The following TMEM65 variants were observed in gnomAD, a reference collection of about 807,000 sequenced individuals.
TMEM65 encodes transmembrane protein 65.
TMEM65 carries 22 observed loss-of-function variants against 25.4 expected under a neutral mutation model. That is an observed-to-expected ratio of 0.86 (90% CI 0.62 to 1.23). The LOEUF is 1.23. TMEM65 is among the 50% of genes most tolerant of loss of function. The pLI, the probability that TMEM65 is intolerant of heterozygous loss-of-function variation, is 0.00. For missense variants in TMEM65, 262 were observed against 308.2 expected, an observed-to-expected ratio of 0.85 and a Z score of 1.12; for synonymous variants, 132 against 126.2, an observed-to-expected ratio of 1.05 and a Z score of -0.31.
At chr8:124,364,546 C>A (rs191458979) in intron 1 of TMEM65, among the ~76,000 whole-genome samples, 124 of 152,276 alleles carry the variant, frequency 8.1e-4, no homozygotes, top group South Asian at 3.9e-3. Flanking sequence ...AGGACTCCGA[C>A]ATCTGGTAGA....
intron 1 of TMEM65, among the ~76,000 whole-genome samples, chr8:124,338,430 T>A (rs1248592642): frequency 6.6e-6 from 1 of 152,072 alleles, no homozygotes; most frequent in African/African-American, 2.4e-5. Flanking sequence ...GGTTTTTTTT[T>A]ATTTCTGCAA....
intron 3 of TMEM65, among the ~76,000 whole-genome samples, 197 bp downstream of exon 3, chr8:124,327,157 T>TTTA (rs1409421837): frequency 6.6e-6 from 1 of 152,004 alleles, no homozygotes; most frequent in Non-Finnish European, 1.5e-5. Flanking sequence ...GTCTAAATGC[T>TTTA]TTACCTAAAG....
intron 5 of TMEM65, among the ~76,000 whole-genome samples, chr8:124,320,922 G>C (rs1814296605): frequency 6.6e-6 from 1 of 152,022 alleles, no homozygotes; most frequent in Non-Finnish European, 1.5e-5. Flanking sequence ...AAGACTTCCA[G>C]AAAAATCTTC....
chr8:124,315,053 A>G (rs1383879535), intron 6 of TMEM65, among the ~76,000 whole-genome samples: 3 of 152,136 alleles, frequency 2.0e-5, no homozygotes, highest in Non-Finnish European at 4.4e-5. Context: ...AAGTTTATAT[A>G]CTTTTCAATT....
At chr8:124,364,530 TATATAAGG>T (rs553627338) in intron 1 of TMEM65, among the ~76,000 whole-genome samples, 70 of 152,330 alleles carry the variant, frequency 4.6e-4, no homozygotes, top group African/African-American at 1.6e-3. Flanking sequence ...TAAAATATAG[TATATAAGG>T]ACTCCGACAT....
rs75956161 is a variant in TMEM65, at chr8:124,350,202, C to T, written c.305-19410G>A. ...CTATATTTCTCTAAAGTTCTTACAG[C>T]TTAGTTTTTGCTATTTTTGCCTGAC... On this transcript the variant is annotated intron_variant, in intron 1 of 6. Transcript: ENST00000297632. 9.5e-3 allele frequency among the ~76,000 whole-genome samples: 1,431 copies of T among 151,226 alleles called. 20 individuals carry two copies. The highest frequency in any genetic ancestry group is 0.032 in the African/African-American group (1,321 of 41,242).
chr8:124,350,691 C>T (rs73332191), intron 1 of TMEM65, among the ~76,000 whole-genome samples: 11,984 of 152,062 alleles, frequency 0.079, 517 homozygotes, highest in African/African-American at 0.12. Context: ...AGTCTCTCTT[C>T]GCAATATTCT....
At chr8:124,316,006 C>T (rs1212608340) in intron 6 of TMEM65, among the ~76,000 whole-genome samples, 2 of 152,154 alleles carry the variant, frequency 1.3e-5, no homozygotes, top group Non-Finnish European at 2.9e-5. Context: ...CTTTCACTTC[C>T]CACCCATTCT....
At chr8:124,367,260 G>A (rs1035565805) in intron 1 of TMEM65, among the ~76,000 whole-genome samples, 3 of 152,082 alleles carry the variant, frequency 2.0e-5, no homozygotes, top group Admixed American at 2.0e-4. Context: ...GATCACCTGA[G>A]GTCAGGAGTT....
Position 124,310,303 on chromosome 8 carries a change from T to C in TMEM65, c.*3657A>G, listed in dbSNP as rs2131188604. The C allele has an allele frequency of 1.3e-5, 2 of 152,330 alleles. 1 individual carries two copies. The highest frequency in any genetic ancestry group is 4.1e-4 in the South Asian group (2 of 4,822). 9.4% of individuals were successfully genotyped at this position (152,330 alleles called of 1,614,324 possible). On this transcript the variant is annotated 3_prime_UTR_variant, in exon 7 of 7. Transcript: ENST00000297632. ...ATAGTATGTAATAAAGAACACAAGA[T>C]TTCTTAAATGAATCTTGGATTGTAA...
intron 1 of TMEM65, among the ~76,000 whole-genome samples, chr8:124,367,230 T>G (rs770349443): frequency 5.9e-5 from 9 of 152,172 alleles, no homozygotes; most frequent in Non-Finnish European, 1.0e-4. Context: ...TCCCGGCACT[T>G]TGGAAGGCTA....
At chr8:124,360,517 C>T (rs951814365) in intron 1 of TMEM65, among the ~76,000 whole-genome samples, 2 of 151,314 alleles carry the variant, frequency 1.3e-5, no homozygotes, top group Non-Finnish European at 2.9e-5. Context: ...TCACTAGAAA[C>T]TCTTACCATT....
chr8:124,315,668 T>G lies in TMEM65; in HGVS notation c.622-1607A>C, dbSNP rs563586063. Among the ~76,000 whole-genome samples, 4 of 139,604 alleles carry G rather than the reference T, an allele frequency of 2.9e-5. No individual in the cohort carries two copies. In the East Asian group the frequency reaches 6.5e-4, roughly 23 times the overall value. The allele number at this position is 139,604 out of a possible 152,430, so 91.6% of individuals were successfully genotyped here. ...AAATTTAATAGTAGACATTAATATT[T>G]TGACAATAGCTTGCATAAAAATTTT... On this transcript the variant is annotated intron_variant, in intron 6 of 6. Coordinates refer to ENST00000297632, the MANE Select transcript of TMEM65 (RefSeq NM_194291.3).
At chr8:124,328,026 C>T (rs1408804449) in intron 2 of TMEM65, among the ~76,000 whole-genome samples, 1 of 151,994 alleles carries the variant, frequency 6.6e-6, no homozygotes, top group African/African-American at 2.4e-5. Context: ...TATAAACAAT[C>T]AATATTTGAT....
chr8:124,341,980 A>G (rs1251081996), intron 1 of TMEM65, among the ~76,000 whole-genome samples: 3 of 152,082 alleles, frequency 2.0e-5, no homozygotes, highest in African/African-American at 4.8e-5. Context: ...GTATTGCCAA[A>G]TAAGTAATGC....
chr8:124,332,585 T>C (rs957088089), intron 1 of TMEM65, among the ~76,000 whole-genome samples: 3 of 151,840 alleles, frequency 2.0e-5, no homozygotes, highest in East Asian at 3.8e-4. Context: ...ACATAAAAAA[T>C]TAAAAACCAG....
intron 1 of TMEM65, among the ~76,000 whole-genome samples, chr8:124,366,979 A>G (rs1307615289): frequency 6.6e-6 from 1 of 152,186 alleles, no homozygotes; most frequent in East Asian, 1.9e-4. Flanking sequence ...CATACTTCTT[A>G]TCCACGTCCT....
chr8:124,350,769 GCTT>G (rs1272302079), intron 1 of TMEM65, among the ~76,000 whole-genome samples: 1 of 151,810 alleles, frequency 6.6e-6, no homozygotes, highest in Non-Finnish European at 1.5e-5. Context: ...AGACTTTGCT[GCTT>G]CTTATGTTTC....
In TMEM65 at chr8:124,339,236, TATATATATATATAA is replaced by T. The variant is rs1316763315; in HGVS notation, c.305-8458_305-8445del. Among the ~76,000 whole-genome samples, 19 of 52,110 alleles carry T rather than the reference TATATATATATATAA, an allele frequency of 3.6e-4. 1 individual carries two copies. The highest frequency in any genetic ancestry group is 4.7e-4 in the Non-Finnish European group (10 of 21,330). 34.2% of individuals were successfully genotyped at this position (52,110 alleles called of 152,430 possible). A position where few individuals can be genotyped will look rare whatever the true frequency, so the allele number is the denominator to read the frequency against. On this transcript the variant is annotated intron_variant, in intron 1 of 6. Transcript: ENST00000297632. Reference sequence around the variant, plus strand: ...AAAAAAAAAAAAATATATATATATATATATATATATATAAAATATTCTTGCAACAAGTAGCTGAA... The same window carrying T: ...AAAAAAAAAAAAATATATATATATATAATATTCTTGCAACAAGTAGCTGAA...
Sources: allele counts gnomAD v4.1 joint callset (sites outside exome capture counted in the v4.1 genomes callset), GRCh38; gene constraint gnomAD v4.1.1; transcripts MANE v1.5; gene names NCBI Gene and HGNC (gene_info 2026-07-23, HGNC 2026-07-21).